The following PNPLA7 variants were observed in gnomAD, a reference collection of about 807,000 sequenced individuals.
The protein encoded by PNPLA7 is patatin-like phospholipase domain-containing protein 7.
PNPLA7 carries 153 observed loss-of-function variants against 161.7 expected under a neutral mutation model. The observed-to-expected ratio is 0.95, with a 90% CI of 0.83 to 1.08. The LOEUF is 1.08. Among genes scored for constraint, PNPLA7 ranks in the 50% least tolerant of loss-of-function variants. The pLI, the probability that PNPLA7 is intolerant of heterozygous loss-of-function variation, is 0.00. For synonymous variants in PNPLA7, 809 were observed against 782.1 expected (o/e 1.03, Z -0.57); for missense variants, 1,739 against 1,856.6 (o/e 0.94, Z 1.16).
chr9:137,501,773 T>C (rs1833437732), intron 14 of PNPLA7, 46 bp from the exon 15 acceptor site: 3 of 1,585,078 alleles, frequency 1.9e-6, no homozygotes, highest in Non-Finnish European at 2.6e-6. Context: ...GAAGCATAAA[T>C]GAAGGTCCAG....
At chr9:137,522,932 G>A in intron 8 of PNPLA7, 75 bp from the exon 9 acceptor site, 2 of 1,583,164 alleles carry the variant, frequency 1.3e-6, no homozygotes, top group Admixed American at 1.8e-5. Flanking sequence ...GCTCCTGGAA[G>A]CCCTGGAGGA....
In PNPLA7 at chr9:137,460,307, CA is replaced by C; in HGVS notation, c.*85del. ...GTCAGGGCTTCCAGCAGGGCAGGTA[CA>C]GAGGCCCCTAGGACTTGGCAGGAGC... On this transcript the variant is annotated 3_prime_UTR_variant, in exon 35 of 35. Transcript: ENST00000406427. 2.2e-6 allele frequency: 3 copies of C among 1,379,190 alleles called. No individual in the cohort carries two copies. The South Asian group carries it at 3.9e-5, about 18-fold the overall frequency. The allele number at this position is 1,379,190 out of a possible 1,614,324, so 85.4% of individuals were successfully genotyped here. A position where few individuals can be genotyped will look rare whatever the true frequency, so the allele number is the denominator to read the frequency against.
chr9:137,538,091 G>A (rs1835990389), intron 8 of PNPLA7, among the ~76,000 whole-genome samples: 1 of 152,186 alleles, frequency 6.6e-6, no homozygotes, highest in Non-Finnish European at 1.5e-5. Flanking sequence ...GCACAGAGGT[G>A]GATCTGGTGG....
Position 137,547,030 on chromosome 9 carries a change from AG to A in PNPLA7, c.194-122del. 1 of 935,774 alleles carries A rather than the reference AG, an allele frequency of 1.1e-6. No individual in the cohort carries two copies. The highest frequency in any genetic ancestry group is 1.5e-5 in the South Asian group (1 of 67,396). The allele number at this position is 935,774 out of a possible 1,614,324, so 58.0% of individuals were successfully genotyped here. A position where few individuals can be genotyped will look rare whatever the true frequency, so the allele number is the denominator to read the frequency against. ...TGCCAGTAACTGGCCATACTCAGAC[AG>A]CATGAGGGAAGAGGGCCTGAGTGAC... On this transcript the variant is annotated intron_variant, in intron 3 of 34. Coordinates refer to ENST00000406427, the MANE Select transcript of PNPLA7 (RefSeq NM_001098537.3). This position sits in a 1 kb window ranked among gnomAD's most constrained non-coding sequence, Gnocchi z 4.6.
intron 8 of PNPLA7, among the ~76,000 whole-genome samples, chr9:137,539,735 T>C (rs1836087101): frequency 2.6e-5 from 4 of 152,214 alleles, no homozygotes; most frequent in Non-Finnish European, 5.9e-5. Flanking sequence ...AACTGTCTCA[T>C]AATAAAAAGT....
chr9:137,545,980 C>A (rs373677640), intron 4 of PNPLA7, among the ~76,000 whole-genome samples: 11 of 152,252 alleles, frequency 7.2e-5, no homozygotes, highest in African/African-American at 2.4e-4. Context: ...CCTCCACCTC[C>A]TGTGGAGGGC....
chr9:137,514,821 T>C (rs1454325739), intron 12 of PNPLA7, among the ~76,000 whole-genome samples: 3 of 142,356 alleles, frequency 2.1e-5, no homozygotes, highest in South Asian at 2.3e-4. Flanking sequence ...GCCCTGTGGC[T>C]GGGCTGCGGG....
intron 9 of PNPLA7, 90 bp from the exon 10 acceptor site, chr9:137,521,806 C>T (rs910757441): frequency 4.4e-6 from 5 of 1,136,624 alleles, no homozygotes; most frequent in Non-Finnish European, 6.3e-6. Flanking sequence ...GAGAACCGTG[C>T]CCCAAACCCT....
chr9:137,495,081 G>A lies in PNPLA7; in HGVS notation c.2079C>T (p.Ala693=), dbSNP rs1832978908. 1 of 1,609,958 alleles carries A rather than the reference G, an allele frequency of 6.2e-7. No homozygotes were observed. Residue 693 remains alanine, a synonymous_variant, in exon 19 of 35, where the codon GCC becomes GCT. Transcript: ENST00000406427. ...ACGTGAGGGCTCCTGCCGGCAGCTT[G>A]GCCAATTCTGAGTCCCGAACGGCAT... ...TVHAVRDSEL[A]KLPAGALTSI...
chr9:137,498,575 C>T (rs377556989), intron 16 of PNPLA7, among the ~76,000 whole-genome samples: 1 of 152,242 alleles, frequency 6.6e-6, no homozygotes, highest in South Asian at 2.1e-4. Flanking sequence ...CTGCATAATG[C>T]ACACTCGGGC....
At chr9:137,528,881 T>G (rs1048432326) in intron 8 of PNPLA7, among the ~76,000 whole-genome samples, 1 of 152,066 alleles carries the variant, frequency 6.6e-6, no homozygotes, top group African/African-American at 2.4e-5. Flanking sequence ...TTTGTATTTT[T>G]AGTAGAGACG....
intron 25 of PNPLA7, 84 bp downstream of exon 25, chr9:137,477,950 C>G: frequency 8.8e-7 from 1 of 1,136,930 alleles, no homozygotes; most frequent in Middle Eastern, 2.8e-4. Flanking sequence ...CCCTGTCCCC[C>G]GCACCCAGCA....
chr9:137,484,043 C>T (rs917690857), intron 21 of PNPLA7, among the ~76,000 whole-genome samples: 2 of 152,052 alleles, frequency 1.3e-5, no homozygotes, highest in Non-Finnish European at 2.9e-5. Flanking sequence ...TCAAGCGATT[C>T]TCCTGACTCA....
At chr9:137,526,274 T>C (rs1319859487) in intron 8 of PNPLA7, among the ~76,000 whole-genome samples, 1 of 152,090 alleles carries the variant, frequency 6.6e-6, no homozygotes, top group Non-Finnish European at 1.5e-5. Flanking sequence ...TCTTGACTGT[T>C]TTGACTGATC....
intron 8 of PNPLA7, among the ~76,000 whole-genome samples, chr9:137,528,574 G>A (rs1228381859): frequency 3.3e-5 from 5 of 151,860 alleles, no homozygotes; most frequent in Non-Finnish European, 7.4e-5. Context: ...GAGCCACCGC[G>A]CCTGGCCGTG....
intron 20 of PNPLA7, 123 bp from the exon 21 acceptor site, chr9:137,484,859 TCCCG>T (rs1832390771): frequency 8.3e-7 from 1 of 1,198,550 alleles, no homozygotes; most frequent in Non-Finnish European, 1.1e-6. Flanking sequence ...CGCCTGGCCC[TCCCG>T]CCTCCCCAGT....
In PNPLA7 at chr9:137,547,471, C is replaced by A; in HGVS notation, c.106-75G>T. On this transcript the variant is annotated intron_variant, in intron 2 of 34. Coordinates refer to ENST00000406427, the MANE Select transcript of PNPLA7 (RefSeq NM_001098537.3). This position sits in a 1 kb window ranked among gnomAD's most constrained non-coding sequence, Gnocchi z 4.6. ...CCCTAGCCCTAAGCCTGCCCCCACCCCTGGCTGCCCAACCACAGGCTGGGC... is the reference window on the plus strand; with the variant it reads ...CCCTAGCCCTAAGCCTGCCCCCACCACTGGCTGCCCAACCACAGGCTGGGC... 1 of 1,597,184 alleles carries A rather than the reference C, an allele frequency of 6.3e-7. No homozygotes were observed.
intron 14 of PNPLA7, among the ~76,000 whole-genome samples, chr9:137,502,737 C>CGCGGGGGACGCGGGGGACGCGGGGGAT (rs1554767775): frequency 1.6e-5 from 1 of 62,904 alleles, no homozygotes; most frequent in Admixed American, 1.6e-4. Context: ...ACGGGGGGGA[C>CGCGGGGGACGCGGGGGACGCGGGGGAT]GAGAGGGATG....
chr9:137,478,782 CCT>C, intron 24 of PNPLA7: 2 of 403,146 alleles, frequency 5.0e-6, no homozygotes, highest in East Asian at 4.5e-5. Flanking sequence ...TGCTGAGCCC[CCT>C]GATTCAGGCC....
Sources: gnomAD v4.1 joint callset for allele counts (sites outside exome capture counted in the v4.1 genomes callset) on GRCh38, gnomAD v4.1.1 for gene constraint, Gnocchi (gnomAD v3.1) non-coding constraint, MANE v1.5 for transcripts, NCBI Gene and HGNC (gene_info 2026-07-23, HGNC 2026-07-21) for gene names.